The following PTPRZ1 variants were observed in gnomAD, a reference collection of about 807,000 sequenced individuals.
PTPRZ1 encodes receptor-type tyrosine-protein phosphatase zeta.
A neutral mutation model predicts 214.1 loss-of-function variants in PTPRZ1; 82 were observed. The ratio of observed to expected loss-of-function variants is 0.38; its 90% CI spans 0.32 to 0.46. PTPRZ1 has a LOEUF of 0.46. PTPRZ1 is among the 20% of genes least tolerant of loss of function. The pLI is 1.00. For missense variants in PTPRZ1, 2,603 were observed against 2,748.7 expected, an observed-to-expected ratio of 0.95 and a Z score of 1.19; for synonymous variants, 945 against 987.9, an observed-to-expected ratio of 0.96 and a Z score of 0.81.
At chr7:121,977,171 G>A (rs990805087) in intron 6 of PTPRZ1, among the ~76,000 whole-genome samples, 18 of 151,980 alleles carry the variant, frequency 1.2e-4, no homozygotes, top group Admixed American at 4.6e-4. Flanking sequence ...TTATACATCC[G>A]TTAAAGACTA....
intron 9 of PTPRZ1, among the ~76,000 whole-genome samples, chr7:121,996,886 T>C (rs1422056132): frequency 6.6e-6 from 1 of 152,170 alleles, no homozygotes; most frequent in East Asian, 1.9e-4. Context: ...AGTGCCAGAA[T>C]CTCAGTGCCC....
chr7:122,015,040 T>C (rs1798804802), intron 12 of PTPRZ1, among the ~76,000 whole-genome samples: 1 of 152,234 alleles, frequency 6.6e-6, no homozygotes, highest in East Asian at 1.9e-4. Context: ...CAAATTAGCT[T>C]ACTGACCAGA....
At chr7:121,933,324 T>C (rs2116391996) in intron 2 of PTPRZ1, among the ~76,000 whole-genome samples, 1 of 152,278 alleles carries the variant, frequency 6.6e-6, no homozygotes, top group Admixed American at 6.5e-5. Context: ...CTTTAACTGC[T>C]TTATTCTTAG....
intron 3 of PTPRZ1, 21 bp downstream of exon 3, chr7:121,968,151 T>C: frequency 6.4e-7 from 1 of 1,569,596 alleles, no homozygotes; most frequent in Non-Finnish European, 8.6e-7. Context: ...TGCATTCTGT[T>C]TGCCTTTAAT....
intron 1 of PTPRZ1, among the ~76,000 whole-genome samples, chr7:121,903,535 A>G (rs1424100297): frequency 6.6e-6 from 1 of 152,220 alleles, no homozygotes; most frequent in Non-Finnish European, 1.5e-5. Context: ...AATTTTAAGC[A>G]TTAAGGCACA....
In PTPRZ1 at chr7:121,983,804, T is replaced by G; in HGVS notation, c.759T>G (p.Val253=). ...TVDWIVFKDT[V]SISESQLAVF... is the part of the protein sequence containing the mutation. ...ACTGGATTGTTTTTAAAGATACAGT[T>G]AGCATCTCTGAAAGCCAGGTAATCT... Residue 253 remains valine (V), a synonymous_variant, in exon 7 of 30, where the codon GTT becomes GTG. Transcript: ENST00000393386. 6.2e-7 allele frequency: 1 copy of G among 1,611,648 alleles called. No individual in the cohort carries two copies. Among genetic ancestry groups the G allele is most frequent in the Admixed American group, 1.7e-5 (1 of 59,420 alleles).
intron 8 of PTPRZ1, among the ~76,000 whole-genome samples, chr7:121,994,699 A>G (rs1798082397): frequency 6.6e-6 from 1 of 152,188 alleles, no homozygotes; most frequent in South Asian, 2.1e-4. Context: ...CTCCAATGAT[A>G]GAAACGTGAA....
intron 15 of PTPRZ1, among the ~76,000 whole-genome samples, chr7:122,033,349 G>T (rs892155518): frequency 6.6e-6 from 1 of 151,198 alleles, no homozygotes. Flanking sequence ...TTTTTATTTT[G>T]GTTATCTACT....
Position 122,019,169 on chromosome 7 carries a change from G to A in PTPRZ1, c.4889G>A (p.Gly1630Glu). The A allele has an allele frequency of 6.2e-7, 1 of 1,612,160 alleles. No homozygotes were observed. The highest frequency in any genetic ancestry group is 8.5e-7 in the Non-Finnish European group (1 of 1,178,338). The change falls in exon 13 of 30, where the codon GGG (glycine) becomes GAG (glutamate). Residue 1630 changes from glycine to glutamate, a missense_variant. Transcript: ENST00000393386. ...SHESRIGLAE[G>E]LESEKKAVIP... ...GAGTCTCGTATTGGTCTAGCTGAGGGGTTGGAATCCGAGAAGAAGGCAGTT... is the reference window on the plus strand; with the variant it reads ...GAGTCTCGTATTGGTCTAGCTGAGGAGTTGGAATCCGAGAAGAAGGCAGTT...
At chr7:122,029,633 A>T (rs1216038538) in intron 14 of PTPRZ1, among the ~76,000 whole-genome samples, 1 of 151,932 alleles carries the variant, frequency 6.6e-6, no homozygotes, top group Non-Finnish European at 1.5e-5. Flanking sequence ...CCATTGCTAG[A>T]GGCTCAAGTT....
In PTPRZ1 at chr7:122,034,269, T is replaced by G. The variant is rs758761775; in HGVS notation, c.5188-13T>G. 6.2e-7 allele frequency: 1 copy of G among 1,609,582 alleles called. No individual in the cohort carries two copies. The highest frequency in any genetic ancestry group is 8.5e-7 in the Non-Finnish European group (1 of 1,177,388). On this transcript the variant is annotated splice_polypyrimidine_tract_variant and intron_variant, in intron 16 of 29. Coordinates refer to ENST00000393386, the MANE Select transcript of PTPRZ1 (RefSeq NM_002851.3). ...AATGTGTGTTAAAATGATTTACATA[T>G]AATTTTTTACAGGAAGTGCAGAGCT...
At chr7:121,905,188 C>T (rs2116281739) in intron 1 of PTPRZ1, among the ~76,000 whole-genome samples, 1 of 152,270 alleles carries the variant, frequency 6.6e-6, no homozygotes, top group African/African-American at 2.4e-5. Context: ...GGAATCACTG[C>T]TATTGGTCCT....
rs1009136698 is a variant in PTPRZ1 at position 121,873,413 on chromosome 7, C to G, written c.-87C>G. 6 of 1,383,146 alleles carry G rather than the reference C, an allele frequency of 4.3e-6. No individual in the cohort carries two copies. The highest frequency in any genetic ancestry group is 2.9e-5 in the African/African-American group (2 of 68,894). The allele number at this position is 1,383,146 out of a possible 1,614,324, so 85.7% of individuals were successfully genotyped here. On this transcript the variant is annotated 5_prime_UTR_variant, in exon 1 of 30. Coordinates refer to ENST00000393386, the MANE Select transcript of PTPRZ1 (RefSeq NM_002851.3). ...ACACTGGAGGATTAAAACAAACAAA[C>G]AAAAAAAACATTTCCTTCGCTCCCC... is the stretch of plus-strand genomic sequence containing the variant.
At chr7:121,923,893 T>C (rs1206501) in intron 1 of PTPRZ1, among the ~76,000 whole-genome samples, 103,917 of 151,750 alleles carry the variant, frequency 0.68, 37,205 homozygotes, top group African/African-American at 0.91. Context: ...TGTAAGTGCT[T>C]GAGGTAAGTT....
intron 11 of PTPRZ1, among the ~76,000 whole-genome samples, chr7:122,007,751 A>G (rs748764022): frequency 1.3e-5 from 2 of 152,188 alleles, no homozygotes; most frequent in African/African-American, 2.4e-5. Context: ...ACTTTTAAAA[A>G]TGAAGTTGTG....
At chr7:122,021,181 G>T (rs577166946) in intron 13 of PTPRZ1, among the ~76,000 whole-genome samples, 3 of 152,084 alleles carry the variant, frequency 2.0e-5, no homozygotes, top group African/African-American at 7.2e-5. Context: ...CTTAATCTGT[G>T]TTACTTTTCA....
chr7:121,963,825 C>A (rs138564174), intron 2 of PTPRZ1, among the ~76,000 whole-genome samples: 106 of 152,164 alleles, frequency 7.0e-4, no homozygotes, highest in African/African-American at 2.3e-3. Flanking sequence ...GACTGCCTAT[C>A]CTGCCTCACT....
At chr7:121,988,248 G>GA (rs1797827376) in intron 8 of PTPRZ1, among the ~76,000 whole-genome samples, 1 of 152,144 alleles carries the variant, frequency 6.6e-6, no homozygotes, top group Non-Finnish European at 1.5e-5. Context: ...TTCTAGGGGG[G>GA]ATCAGAGATG....
At chr7:121,955,827 T>C (rs933645312) in intron 2 of PTPRZ1, among the ~76,000 whole-genome samples, 1 of 152,210 alleles carries the variant, frequency 6.6e-6, no homozygotes, top group Non-Finnish European at 1.5e-5. Flanking sequence ...TCTGTTGTTA[T>C]GGGAGTTTGT....
Sources: allele counts gnomAD v4.1 joint callset (sites outside exome capture counted in the v4.1 genomes callset), GRCh38; gene constraint gnomAD v4.1.1; transcripts MANE v1.5; gene names NCBI Gene and HGNC (gene_info 2026-07-23, HGNC 2026-07-21).